Variants in DDX42 observed in about 807,000 individuals in gnomAD.
The protein encoded by DDX42 is ATP-dependent RNA helicase DDX42.
DDX42 carries 22 observed loss-of-function variants against 101.5 expected under a neutral mutation model. That is an observed-to-expected ratio of 0.22 (90% CI 0.15 to 0.31). The LOEUF (loss-of-function observed/expected upper bound fraction) is 0.31, where lower values mean the gene tolerates loss of function less well. Ranked by LOEUF, DDX42 falls within the 10% of genes least tolerant of loss-of-function variation. The probability of loss-of-function intolerance (pLI) is 1.00; values close to 1 mark genes in which losing one functional copy is unlikely to be tolerated. For missense variants in DDX42, 849 were observed against 1,199.9 expected (o/e 0.71, Z 4.32); for synonymous variants, 402 against 401.2 (o/e 1.00, Z -0.02).
At chr17:63,781,866 C>T (rs905957197) in intron 1 of DDX42, among the ~76,000 whole-genome samples, 4 of 151,848 alleles carry the variant, frequency 2.6e-5, no homozygotes, top group African/African-American at 7.2e-5. Context: ...AAAAATTAGC[C>T]GGGCCTGGTG....
chr17:63,801,002 T>TTTC (rs1193434560), intron 6 of DDX42, among the ~76,000 whole-genome samples: 15 of 151,574 alleles, frequency 9.9e-5, no homozygotes, highest in African/African-American at 3.4e-4. Context: ...TTTCCTTTTT[T>TTTC]TCCTCTCTTT....
rs1470269907 is a variant in DDX42 at position 63,811,072 on chromosome 17, T to G, written c.1301-4T>G. The G allele has an allele frequency of 7.4e-6, 12 of 1,612,648 alleles. No homozygotes were observed. In the South Asian group the frequency reaches 1.3e-4, roughly 18 times the overall value. On this transcript the variant is annotated splice_polypyrimidine_tract_variant and splice_region_variant and intron_variant, in intron 12 of 17. Transcript: ENST00000389924. ...TCTCTAACAGAATTTATCTTACCTT[T>G]TAGCTCTCTTATTTAGTGCAACTTT...
intron 12 of DDX42, among the ~76,000 whole-genome samples, chr17:63,810,827 C>A (rs1432663057): frequency 6.6e-6 from 1 of 152,150 alleles, no homozygotes; most frequent in East Asian, 1.9e-4. Flanking sequence ...AAGCAGTGTA[C>A]AGTACAGATC....
Position 63,800,519 on chromosome 17 carries a change from G to C in DDX42, c.523G>C (p.Glu175Gln). Reference sequence around the variant, plus strand: ...AAACCCAACTGCTGGTGTGGTTCAGGAGGAAGAGGAAGACAATCTAGAATA... The same window carrying C: ...AAACCCAACTGCTGGTGTGGTTCAGCAGGAAGAGGAAGACAATCTAGAATA... ...AENPTAGVVQ[E>Q]EEEDNLEYDS... Residue 175 changes from glutamate (E) to glutamine (Q), a missense_variant, in exon 6 of 18, where the codon GAG becomes CAG. By Grantham distance (29) the Glu-to-Gln change is conservative. Around this residue, in one of 5 missense-constraint regions of DDX42, gnomAD observed 370 missense variants for 608.8 expected, o/e 0.61. Coordinates refer to ENST00000389924, the MANE Select transcript of DDX42 (RefSeq NM_203499.3). 6.2e-7 allele frequency: 1 copy of C among 1,614,074 alleles called. No homozygotes were observed. Among genetic ancestry groups the C allele is most frequent in the African/African-American group, 1.3e-5 (1 of 75,042 alleles).
intron 14 of DDX42, 51 bp from the exon 15 acceptor site, chr17:63,813,177 T>C (rs775384071): frequency 6.6e-7 from 1 of 1,507,140 alleles, no homozygotes; most frequent in Non-Finnish European, 9.0e-7. Flanking sequence ...GTTACTTTGA[T>C]CTTCTGACTA....
At position 63,807,207 on chromosome 17, in the gene DDX42, C is replaced by T. The variant is rs145977082; in HGVS notation, c.847-517C>T. Among the ~76,000 whole-genome samples, 401 of 152,308 alleles carry T rather than the reference C, an allele frequency of 2.6e-3. 2 individuals are homozygous for T. The highest frequency in any genetic ancestry group is 9.3e-3 in the African/African-American group (387 of 41,562). On this transcript the variant is annotated intron_variant, in intron 8 of 17. Coordinates refer to ENST00000389924, the MANE Select transcript of DDX42 (RefSeq NM_203499.3). ...CCAAGCTGGAGTGCAGTGGCGCGAT[C>T]TTGGCTCACTGCAATCTCTGCCTCC...
chr17:63,806,749 T>C (rs1279861140), intron 8 of DDX42, 95 bp downstream of exon 8: 1 of 1,365,222 alleles, frequency 7.3e-7, no homozygotes, highest in East Asian at 2.6e-5. Flanking sequence ...CAGTGTTTAG[T>C]GTAGAACCTT....
chr17:63,788,689 A>C (rs921257594), intron 2 of DDX42, among the ~76,000 whole-genome samples: 2 of 152,200 alleles, frequency 1.3e-5, no homozygotes, highest in African/African-American at 4.8e-5. Context: ...CATAGTTCTC[A>C]TAATTGGTAA....
rs1206818272 is a variant in DDX42, at chr17:63,782,970, GA to G, written c.-16-4062del. 2.6e-5 allele frequency among the ~76,000 whole-genome samples: 4 copies of G among 152,078 alleles called. 1 individual carries two copies. The highest frequency in any genetic ancestry group is 6.6e-5 in the Admixed American group (1 of 15,256). ...TGTGCTACTGAACTCTAGCTGCACT[GA>G]ACTATTTCTTGTTCTCTGTGGTAAC... is the stretch of plus-strand genomic sequence containing the variant. On this transcript the variant is annotated intron_variant, in intron 1 of 17. Coordinates refer to ENST00000389924, the MANE Select transcript of DDX42 (RefSeq NM_203499.3).
At chr17:63,802,754 T>G (rs965952404) in intron 6 of DDX42, among the ~76,000 whole-genome samples, 70 of 151,698 alleles carry the variant, frequency 4.6e-4, no homozygotes, top group African/African-American at 1.6e-3. Context: ...CTACTAAAAA[T>G]ACAGAATTAG....
intron 8 of DDX42, among the ~76,000 whole-genome samples, chr17:63,807,065 G>C (rs2039850360): frequency 1.3e-5 from 2 of 152,108 alleles, no homozygotes; most frequent in Non-Finnish European, 2.9e-5. Context: ...GAGATAGTCT[G>C]TACCTTCTTA....
intron 13 of DDX42, 115 bp from the exon 14 acceptor site, chr17:63,811,817 G>A (rs2039913502): frequency 7.2e-7 from 1 of 1,392,270 alleles, no homozygotes; most frequent in Admixed American, 1.8e-5. Context: ...GGCCCAAGGA[G>A]AACTGGGATT....
At chr17:63,786,158 T>G (rs1429389552) in intron 1 of DDX42, among the ~76,000 whole-genome samples, 1 of 152,232 alleles carries the variant, frequency 6.6e-6, no homozygotes, top group Non-Finnish European at 1.5e-5. Flanking sequence ...AAACAATTTC[T>G]TCAGTGTTTT....
chr17:63,810,635 T>C (rs2039898848), intron 12 of DDX42, 75 bp downstream of exon 12: 2 of 1,407,348 alleles, frequency 1.4e-6, no homozygotes, highest in African/African-American at 2.8e-5. Context: ...GCACTCAGAG[T>C]TATGGAAGTA....
chr17:63,805,331 CTTAA>C, intron 7 of DDX42, 156 bp downstream of exon 7: 3 of 891,640 alleles, frequency 3.4e-6, no homozygotes, highest in Non-Finnish European at 4.9e-6. Context: ...GTTCATGTCT[CTTAA>C]TTTGATTGTT....
intron 7 of DDX42, chr17:63,806,241 A>AT (rs3214711): frequency 0.26 from 54,902 of 209,210 alleles, 7,860 homozygotes; most frequent in African/African-American, 0.36. Context: ...TCATTGAACA[A>AT]TTTTTTTTCC....
At chr17:63,817,022 C>CA (rs1360723217) in intron 17 of DDX42, 56 bp downstream of exon 17, 30 of 1,489,348 alleles carry the variant, frequency 2.0e-5, no homozygotes, top group Non-Finnish European at 2.6e-5. Context: ...TGGGCAGTGA[C>CA]AGAGGGGCTT....
At chr17:63,790,249 A>G (rs1434982876) in intron 2 of DDX42, among the ~76,000 whole-genome samples, 1 of 152,230 alleles carries the variant, frequency 6.6e-6, no homozygotes, top group East Asian at 1.9e-4. Context: ...ATTGCATCGT[A>G]TAGTATATAG....
chr17:63,805,325 A>G lies in DDX42; in HGVS notation c.726+150A>G, dbSNP rs181096198. ...AGTAATTATTATATCCCTTCTGTTC[A>G]TGTCTCTTAATTTGATTGTTTTAGT... is the stretch of plus-strand genomic sequence containing the variant. On this transcript the variant is annotated intron_variant, in intron 7 of 17. Coordinates refer to ENST00000389924, the MANE Select transcript of DDX42 (RefSeq NM_203499.3). The G allele has an allele frequency of 1.9e-3, 1,796 of 922,846 alleles. 10 individuals carry two copies. Among genetic ancestry groups the G allele is most frequent in the Non-Finnish European group, 2.1e-3 (1,339 of 634,476 alleles). 57.2% of individuals were successfully genotyped at this position (922,846 alleles called of 1,614,324 possible).
Sources: allele counts gnomAD v4.1 joint callset (sites outside exome capture counted in the v4.1 genomes callset), GRCh38; gene constraint gnomAD v4.1.1; regional missense constraint gnomAD v4.1.1; transcripts MANE v1.5; gene names NCBI Gene and HGNC (gene_info 2026-07-23, HGNC 2026-07-21).